The following AP3B1 variants were observed in gnomAD, a reference collection of about 807,000 sequenced individuals.
AP3B1 encodes the protein adaptor related protein complex 3 subunit beta 1, also known as AP-3 complex subunit beta-1.
Under a neutral mutation model 132.5 loss-of-function variants are expected in AP3B1, and 61 were observed. The ratio of observed to expected loss-of-function variants is 0.46; its 90% CI spans 0.37 to 0.57. AP3B1 has a LOEUF of 0.57. Ranked by LOEUF, AP3B1 falls within the 20% of genes least tolerant of loss-of-function variation. AP3B1 has a pLI of 0.00. For synonymous variants in AP3B1, 388 were observed against 438.3 expected (o/e 0.89, Z 1.43); for missense variants, 1,120 against 1,289.4 (o/e 0.87, Z 2.01).
chr5:78,191,354 CA>C (rs34733864), intron 7 of AP3B1, among the ~76,000 whole-genome samples: 12,952 of 72,970 alleles, frequency 0.18, 409 homozygotes, highest in Non-Finnish European at 0.24. Flanking sequence ...TGCTTTTCCC[CA>C]AAAAAAAAAA....
At chr5:78,263,733 C>A (rs192326386) in intron 2 of AP3B1, among the ~76,000 whole-genome samples, 37 of 152,234 alleles carry the variant, frequency 2.4e-4, no homozygotes, top group African/African-American at 8.9e-4. Flanking sequence ...AAATCTTTCT[C>A]CGAATAAATT....
At chr5:78,152,851 T>C (rs1325881188) in intron 14 of AP3B1, among the ~76,000 whole-genome samples, 1 of 152,222 alleles carries the variant, frequency 6.6e-6, no homozygotes, top group Non-Finnish European at 1.5e-5. Flanking sequence ...TTATATTGTT[T>C]GAAAATTCCT....
intron 26 of AP3B1, among the ~76,000 whole-genome samples, chr5:78,013,947 A>G (rs1487709797): frequency 1.3e-5 from 2 of 152,156 alleles, no homozygotes; most frequent in Non-Finnish European, 2.9e-5. Flanking sequence ...GTGGATCATG[A>G]GGTCAGGAGA....
chr5:78,039,245 T>C lies in AP3B1; in HGVS notation c.2607A>G (p.Lys869=), dbSNP rs1747945903. The C allele has an allele frequency of 6.2e-6, 10 of 1,614,122 alleles. No homozygotes were observed. The highest frequency in any genetic ancestry group is 7.6e-6 in the Non-Finnish European group (9 of 1,180,004). The change falls in exon 23 of 27, where the codon AAA becomes AAG. Residue 869 remains lysine (K), a synonymous_variant. Transcript: ENST00000255194. ...SVSTPAFVPT[K]THVLLHRMSG... is the part of the protein sequence containing the mutation. ...TCATTCGATGAAGCAGCACGTGAGT[T>C]TTCGTTGGTACAAATGCAGGAGTAC...
chr5:78,244,724 C>T (rs1292890152), intron 2 of AP3B1, among the ~76,000 whole-genome samples: 4 of 151,880 alleles, frequency 2.6e-5, no homozygotes, highest in Admixed American at 6.5e-5. Flanking sequence ...TGGCCAGGTG[C>T]GGTGGCTCAC....
chr5:78,180,505 C>T (rs969774617), intron 8 of AP3B1, among the ~76,000 whole-genome samples: 8 of 151,916 alleles, frequency 5.3e-5, no homozygotes, highest in Non-Finnish European at 1.2e-4. Context: ...AGCAATCAGA[C>T]AAACCCAGAA....
At position 78,052,033 on chromosome 5, in the gene AP3B1, G is replaced by A. The variant is rs999086328; in HGVS notation, c.2578-12759C>T. Among the ~76,000 whole-genome samples, 15 of 151,178 alleles carry A rather than the reference G, an allele frequency of 9.9e-5. No homozygotes were observed. In the South Asian group the frequency reaches 1.9e-3, roughly 19 times the overall value. On this transcript the variant is annotated intron_variant, in intron 22 of 26. Transcript: ENST00000255194. ...TAGAATAGGATTTAAAAAAGTAAAC[G>A]GCAAATTTGGTTAACTCTTACATAT...
At position 78,135,167 on chromosome 5, in the gene AP3B1, G is replaced by A. The variant is rs1209638006; in HGVS notation, c.1651-5860C>T. Among the ~76,000 whole-genome samples the A allele has an allele frequency of 2.0e-5, 3 of 152,092 alleles. No individual in the cohort carries two copies. In the East Asian group the frequency reaches 5.8e-4, roughly 29 times the overall value. On this transcript the variant is annotated intron_variant, in intron 15 of 26. Transcript: ENST00000255194. Reference sequence around the variant, plus strand: ...GGAGGAATCCCTAAAACATCAGTGTGATTTACAAAATCTCTCACTAAGAGT... The same window carrying A: ...GGAGGAATCCCTAAAACATCAGTGTAATTTACAAAATCTCTCACTAAGAGT...
chr5:78,238,600 G>C (rs1746982978), intron 3 of AP3B1, among the ~76,000 whole-genome samples: 2 of 151,934 alleles, frequency 1.3e-5, no homozygotes, highest in Admixed American at 6.6e-5. Context: ...ACAATGGTAA[G>C]TATTTGTGTA....
intron 2 of AP3B1, among the ~76,000 whole-genome samples, chr5:78,265,288 A>G (rs971352237): frequency 6.6e-6 from 1 of 151,920 alleles, no homozygotes; most frequent in Non-Finnish European, 1.5e-5. Flanking sequence ...AATAAAAATA[A>G]AAAAATTAGC....
chr5:78,274,081 A>C (rs1484179878), intron 1 of AP3B1, among the ~76,000 whole-genome samples: 1 of 151,716 alleles, frequency 6.6e-6, no homozygotes, highest in Non-Finnish European at 1.5e-5. Flanking sequence ...TGACTCAGAT[A>C]CCAGAGTTAT....
chr5:78,150,473 A>C (rs1345496397), intron 14 of AP3B1, among the ~76,000 whole-genome samples: 1 of 152,136 alleles, frequency 6.6e-6, no homozygotes, highest in Non-Finnish European at 1.5e-5. Flanking sequence ...TGTGACGGGG[A>C]GGGAGTTTGA....
At chr5:78,157,156 T>A (rs1264106122) in intron 13 of AP3B1, among the ~76,000 whole-genome samples, 1 of 152,094 alleles carries the variant, frequency 6.6e-6, no homozygotes, top group African/African-American at 2.4e-5. Flanking sequence ...TTACATGCAA[T>A]CCCCTACTGA....
At chr5:78,090,033 T>C (rs138599753) in intron 21 of AP3B1, among the ~76,000 whole-genome samples, 82 of 152,328 alleles carry the variant, frequency 5.4e-4, no homozygotes, top group African/African-American at 1.9e-3. Flanking sequence ...ACTTGAGAAC[T>C]GATACCTGTA....
chr5:78,047,445 A>G (rs1302804413), intron 22 of AP3B1, among the ~76,000 whole-genome samples: 1 of 152,164 alleles, frequency 6.6e-6, no homozygotes, highest in African/African-American at 2.4e-5. Context: ...CATTTCTCTA[A>G]TGACCAGTGA....
In AP3B1 at chr5:78,064,998, G is replaced by C; in HGVS notation, c.2577+24395C>G. ...GTGAGTGAATCCTGCACCGGCAACTGAGGTATCTCTCACTGGGACTGACTA... is the reference window on the plus strand; with the variant it reads ...GTGAGTGAATCCTGCACCGGCAACTCAGGTATCTCTCACTGGGACTGACTA... On this transcript the variant is annotated intron_variant, in intron 22 of 26. Transcript: ENST00000255194. 1.3e-5 allele frequency among the ~76,000 whole-genome samples: 2 copies of C among 152,122 alleles called. 1 individual carries two copies. The highest frequency in any genetic ancestry group is 4.8e-5 in the African/African-American group (2 of 41,420).
At chr5:78,272,969 A>G (rs1473131742) in intron 1 of AP3B1, among the ~76,000 whole-genome samples, 1 of 152,232 alleles carries the variant, frequency 6.6e-6, no homozygotes. Flanking sequence ...TAGCTTACAA[A>G]AAACTAAACC....
intron 7 of AP3B1, among the ~76,000 whole-genome samples, chr5:78,204,166 T>G (rs575499817): frequency 6.6e-6 from 1 of 152,310 alleles, no homozygotes; most frequent in Non-Finnish European, 1.5e-5. Context: ...TGCTAAAAAC[T>G]AGACATTTTG....
At chr5:78,261,402 C>A (rs1748084222) in intron 2 of AP3B1, among the ~76,000 whole-genome samples, 1 of 152,148 alleles carries the variant, frequency 6.6e-6, no homozygotes. Context: ...TATATATCTT[C>A]TCTGGAGAAA....
Sources: gnomAD v4.1 joint callset for allele counts (sites outside exome capture counted in the v4.1 genomes callset) on GRCh38, gnomAD v4.1.1 for gene constraint, MANE v1.5 for transcripts, NCBI Gene and HGNC (gene_info 2026-07-23, HGNC 2026-07-21) for gene names.